ASTN2: variants seen among roughly 807,000 people sequenced by gnomAD.
ASTN2 encodes the protein astrotactin-2.
ASTN2 carries 54 observed loss-of-function variants against 139.8 expected under a neutral mutation model. The observed-to-expected ratio is 0.39, with a 90% confidence interval of 0.31 to 0.48. ASTN2 has a LOEUF of 0.48. ASTN2 is among the 20% of genes least tolerant of loss of function. ASTN2 has a pLI of 0.95. For synonymous variants in ASTN2, 756 were observed against 719.5 expected (o/e 1.05, Z -0.81); for missense variants, 1,565 against 1,725.1 (o/e 0.91, Z 1.64).
At chr9:116,839,233 G>A (rs1345179165) in intron 11 of ASTN2, among the ~76,000 whole-genome samples, 1 of 151,716 alleles carries the variant, frequency 6.6e-6, no homozygotes, top group African/African-American at 2.4e-5. Context: ...CTGCAGTCTT[G>A]AAATCCTGGG....
chr9:116,665,916 T>C (rs921915577), intron 16 of ASTN2, among the ~76,000 whole-genome samples: 12 of 152,170 alleles, frequency 7.9e-5, no homozygotes, highest in African/African-American at 2.9e-4. Context: ...TGGAGACTGC[T>C]AGGAGACAAA....
intron 1 of ASTN2, among the ~76,000 whole-genome samples, chr9:117,318,415 C>A (rs914478851): frequency 1.3e-5 from 2 of 152,134 alleles, no homozygotes; most frequent in African/African-American, 4.8e-5. Context: ...AGAGTTTGGG[C>A]TACTACAAAT....
intron 10 of ASTN2, among the ~76,000 whole-genome samples, chr9:116,917,926 A>G (rs1834495953): frequency 6.6e-6 from 1 of 152,014 alleles, no homozygotes; most frequent in African/African-American, 2.4e-5. Flanking sequence ...TAGAATTCCT[A>G]TGTGTTGTGG....
At chr9:117,217,880 C>T (rs1832380095) in intron 2 of ASTN2, among the ~76,000 whole-genome samples, 1 of 152,168 alleles carries the variant, frequency 6.6e-6, no homozygotes. Context: ...CCTTGGATCC[C>T]CAAATCCTTT....
At chr9:117,094,228 G>C (rs901261044) in intron 5 of ASTN2, among the ~76,000 whole-genome samples, 2 of 145,206 alleles carry the variant, frequency 1.4e-5, no homozygotes, top group African/African-American at 5.3e-5. Flanking sequence ...AAAGGAAAGA[G>C]GGAAGAAGGG....
At chr9:117,207,609 C>T (rs1006660394) in intron 3 of ASTN2, among the ~76,000 whole-genome samples, 3 of 152,144 alleles carry the variant, frequency 2.0e-5, no homozygotes, top group Admixed American at 2.0e-4. Context: ...GTAGAAATAT[C>T]CCCAGGCCAG....
intron 11 of ASTN2, among the ~76,000 whole-genome samples, chr9:116,822,521 G>C (rs1051079064): frequency 1.3e-5 from 2 of 152,052 alleles, no homozygotes; most frequent in Non-Finnish European, 2.9e-5. Context: ...TGAGTACTGG[G>C]GCCTGGCTTC....
intron 1 of ASTN2, among the ~76,000 whole-genome samples, chr9:117,347,490 A>G (rs554318876): frequency 1.3e-5 from 2 of 152,082 alleles, no homozygotes; most frequent in South Asian, 4.2e-4. Flanking sequence ...AGGTCTTATC[A>G]TTAACCTCAT....
At chr9:116,722,239 C>T (rs62574198) in intron 16 of ASTN2, among the ~76,000 whole-genome samples, 3,124 of 146,848 alleles carry the variant, frequency 0.021, 59 homozygotes, top group Middle Eastern at 0.06. Context: ...TTTGGTGCCA[C>T]AACATCTGAC....
rs554583703 is a variant in ASTN2, at chr9:117,275,768, G to A, written c.630+15558C>T. The stretch of plus-strand genomic sequence containing the variant: ...TTTAGTAGAGACAGGGTTTCGCCAT[G>A]TTGACCAGGCTGTTCTCACTCGAAC... On this transcript the variant is annotated intron_variant, in intron 2 of 22. Transcript: ENST00000313400. Among the ~76,000 whole-genome samples the A allele has an allele frequency of 2.6e-5, 4 of 152,178 alleles. No individual in the cohort carries two copies. In the South Asian group the frequency reaches 8.3e-4, roughly 32 times the overall value.
At chr9:117,195,952 T>C (rs1446137106) in intron 3 of ASTN2, among the ~76,000 whole-genome samples, 1 of 152,184 alleles carries the variant, frequency 6.6e-6, no homozygotes, top group Admixed American at 6.5e-5. Flanking sequence ...GGAACACATG[T>C]TGATTACCTA....
chr9:117,367,186 A>G (rs1829867143), intron 1 of ASTN2, among the ~76,000 whole-genome samples: 1 of 152,216 alleles, frequency 6.6e-6, no homozygotes, highest in South Asian at 2.1e-4. Flanking sequence ...TGTGGCAACA[A>G]TAGTCAACAG....
intron 2 of ASTN2, among the ~76,000 whole-genome samples, chr9:117,250,072 A>G (rs909754999): frequency 9.2e-5 from 14 of 152,220 alleles, no homozygotes; most frequent in African/African-American, 3.4e-4. Context: ...CTGCCCCCGC[A>G]GGGACTTCTT....
At chr9:116,691,022 T>G (rs1308151326) in intron 16 of ASTN2, among the ~76,000 whole-genome samples, 1 of 152,124 alleles carries the variant, frequency 6.6e-6, no homozygotes, top group Non-Finnish European at 1.5e-5. Context: ...TAGGCTCAAG[T>G]GATCCTCCCA....
At chr9:116,647,329 G>C (rs1459660327) in intron 17 of ASTN2, among the ~76,000 whole-genome samples, 1 of 152,188 alleles carries the variant, frequency 6.6e-6, no homozygotes, top group East Asian at 1.9e-4. Context: ...AGCATACAGT[G>C]GGGGCTCAAA....
chr9:116,502,675 A>AAAGGAAAGAAGG lies in ASTN2; in HGVS notation c.3356-15187_3356-15176dup, dbSNP rs1564323240. On this transcript the variant is annotated intron_variant, in intron 19 of 22. Coordinates refer to ENST00000313400, the MANE Select transcript of ASTN2 (RefSeq NM_001365068.1). ...GGCAAACAAGAAAAACAGAAGGAAGAAAGGAAAGAAGGAAGGAAGGAAGGA... is the reference window on the plus strand; with the variant it reads ...GGCAAACAAGAAAAACAGAAGGAAGAAAGGAAAGAAGGAAGGAAAGAAGGAAGGAAGGAAGGA... Among the ~76,000 whole-genome samples the AAAGGAAAGAAGG allele has an allele frequency of 8.6e-4, 116 of 134,194 alleles. 3 individuals carry two copies. The East Asian group carries it at 0.017, about 19-fold the overall frequency. 88.0% of individuals were successfully genotyped at this position (134,194 alleles called of 152,430 possible).
intron 11 of ASTN2, among the ~76,000 whole-genome samples, chr9:116,843,484 C>T (rs1300280025): frequency 6.6e-6 from 1 of 151,810 alleles, no homozygotes; most frequent in African/African-American, 2.4e-5. Context: ...ATGGTGAAAC[C>T]CCATCTCTAC....
chr9:116,855,733 C>A (rs1372250696), intron 11 of ASTN2, among the ~76,000 whole-genome samples: 1 of 152,102 alleles, frequency 6.6e-6, no homozygotes, highest in Non-Finnish European at 1.5e-5. Context: ...CTGCCTTTAC[C>A]TGGCTGGTTG....
intron 21 of ASTN2, among the ~76,000 whole-genome samples, chr9:116,441,509 T>G (rs1847839096): frequency 6.6e-6 from 1 of 152,108 alleles, no homozygotes. Context: ...TGATTTTTAT[T>G]TGTACTTTTT....
Sources: allele counts gnomAD v4.1 joint callset (sites outside exome capture counted in the v4.1 genomes callset), GRCh38; gene constraint gnomAD v4.1.1; transcripts MANE v1.5; gene names NCBI Gene and HGNC (gene_info 2026-07-23, HGNC 2026-07-21).